The following SPIN1 variants were observed in gnomAD, a reference collection of about 807,000 sequenced individuals.
SPIN1 encodes the protein spindlin-1.
In SPIN1, 3 loss-of-function variants were observed where a neutral mutation model predicts 26.0. That is an observed-to-expected ratio of 0.12 (90% CI 0.05 to 0.30). The LOEUF is 0.30. Among genes scored for constraint, SPIN1 ranks in the 10% least tolerant of loss-of-function variants. SPIN1 has a pLI of 1.00. For missense variants in SPIN1, 126 were observed against 333.4 expected, an observed-to-expected ratio of 0.38 and a Z score of 4.84; for synonymous variants, 101 against 116.5, an observed-to-expected ratio of 0.87 and a Z score of 0.86.
At chr9:88,410,923 G>A (rs1827429579) in intron 1 of SPIN1, 2 of 1,084,140 alleles carry the variant, frequency 1.8e-6, no homozygotes, top group Non-Finnish European at 2.8e-6. Flanking sequence ...GCTTTGACAG[G>A]GCTTTCCTAA....
At chr9:88,425,188 A>G (rs1189358251) in intron 1 of SPIN1, among the ~76,000 whole-genome samples, 1 of 152,050 alleles carries the variant, frequency 6.6e-6, no homozygotes, top group East Asian at 1.9e-4. Context: ...CCCATTAGAT[A>G]GGTCTGAGTG....
chr9:88,454,042 T>A lies in SPIN1; in HGVS notation c.101+5053T>A, dbSNP rs377280952. Among the ~76,000 whole-genome samples, 20 of 152,332 alleles carry A rather than the reference T, an allele frequency of 1.3e-4. No homozygotes were observed. The East Asian group carries it at 2.5e-3, about 19-fold the overall frequency. On this transcript the variant is annotated intron_variant, in intron 3 of 5. Transcript: ENST00000375859. ...ATTTTATTTTTTTTCTGGAATTGTTTCAAGAAATAGCTTCTGGAGTTACGA... is the reference window on the plus strand; with the variant it reads ...ATTTTATTTTTTTTCTGGAATTGTTACAAGAAATAGCTTCTGGAGTTACGA...
intron 1 of SPIN1, among the ~76,000 whole-genome samples, chr9:88,398,040 A>G (rs1200629102): frequency 6.6e-6 from 1 of 151,284 alleles, no homozygotes; most frequent in Admixed American, 6.6e-5. Context: ...TTCCCATCTC[A>G]GCCTCCCGCG....
chr9:88,452,992 AC>A (rs1828393373), intron 3 of SPIN1, among the ~76,000 whole-genome samples: 2 of 152,310 alleles, frequency 1.3e-5, no homozygotes, highest in Non-Finnish European at 2.9e-5. Context: ...TGAAAATTTA[AC>A]ATGTATGATG....
chr9:88,412,147 C>G (rs571294625), intron 1 of SPIN1, among the ~76,000 whole-genome samples: 14 of 152,194 alleles, frequency 9.2e-5, no homozygotes, highest in African/African-American at 3.1e-4. Context: ...CCACTGCACT[C>G]CAGCCTGGGT....
In SPIN1 at chr9:88,468,388, C is replaced by T. The variant is rs1379656765; in HGVS notation, c.372C>T (p.Ser124=). 10 of 1,579,306 alleles carry T rather than the reference C, an allele frequency of 6.3e-6. No homozygotes were observed. The East Asian group carries it at 6.9e-5, about 11-fold the overall frequency. ...LPDRVATSRI[S]DAHLADTMIG... is the part of the protein sequence containing the mutation. ...AATCCCCAGCGACATCTCGAATCAGCGATGCACACTTGGCAGACACAATGA... is the reference window on the plus strand; with the variant it reads ...AATCCCCAGCGACATCTCGAATCAGTGATGCACACTTGGCAGACACAATGA... Residue 124 remains serine (S), a synonymous_variant, in exon 5 of 6, where the codon AGC becomes AGT. Transcript: ENST00000375859.
chr9:88,434,340 AATAGTTTATTTTATAAATTATAAAAT>A (rs1827951870), intron 2 of SPIN1, among the ~76,000 whole-genome samples: 1 of 117,622 alleles, frequency 8.5e-6, no homozygotes, highest in African/African-American at 3.7e-5. Flanking sequence ...CAAATTATAA[AATAGTTTATTTTATAAATTATAAAAT>A]AGTTTATTTT....
At chr9:88,438,471 G>T (rs1320944531) in intron 2 of SPIN1, among the ~76,000 whole-genome samples, 2 of 152,066 alleles carry the variant, frequency 1.3e-5, no homozygotes, top group Non-Finnish European at 2.9e-5. Flanking sequence ...TCATAATGTC[G>T]TCTGTTTTGG....
intron 3 of SPIN1, among the ~76,000 whole-genome samples, chr9:88,451,374 A>C (rs1256745473): frequency 6.6e-6 from 1 of 152,214 alleles, no homozygotes; most frequent in Non-Finnish European, 1.5e-5. Flanking sequence ...TCTGGTGTGA[A>C]GTACTGAGAC....
chr9:88,425,930 T>C (rs1473162771), intron 1 of SPIN1, among the ~76,000 whole-genome samples: 1 of 152,172 alleles, frequency 6.6e-6, no homozygotes, highest in Admixed American at 6.6e-5. Flanking sequence ...GTGCTGTCCT[T>C]CCACTCTGCC....
intron 1 of SPIN1, among the ~76,000 whole-genome samples, chr9:88,408,006 A>T (rs1827345585): frequency 6.6e-6 from 1 of 151,720 alleles, no homozygotes; most frequent in African/African-American, 2.4e-5. Context: ...GGCTCAAGGG[A>T]TCTGCCTGCC....
At chr9:88,442,720 GT>G (rs1828162326) in intron 2 of SPIN1, among the ~76,000 whole-genome samples, 1 of 151,876 alleles carries the variant, frequency 6.6e-6, no homozygotes, top group African/African-American at 2.4e-5. Flanking sequence ...ATTTTCTACA[GT>G]TTGAATATGA....
At chr9:88,393,098 T>C (rs1826966080) in intron 1 of SPIN1, among the ~76,000 whole-genome samples, 1 of 151,288 alleles carries the variant, frequency 6.6e-6, no homozygotes, top group African/African-American at 2.4e-5. Context: ...GGTATTGGTC[T>C]GAACTCAGAA....
At chr9:88,427,838 A>ATCC (rs1156421490) in intron 2 of SPIN1, among the ~76,000 whole-genome samples, 1 of 151,978 alleles carries the variant, frequency 6.6e-6, no homozygotes, top group Non-Finnish European at 1.5e-5. Context: ...ACCTCAAGTG[A>ATCC]TCCTCCCGCG....
At chr9:88,451,850 C>T (rs900307464) in intron 3 of SPIN1, among the ~76,000 whole-genome samples, 6 of 152,160 alleles carry the variant, frequency 3.9e-5, no homozygotes, top group Non-Finnish European at 5.9e-5. Flanking sequence ...CGTGAGCCAC[C>T]GTGCCCAGCC....
intron 5 of SPIN1, among the ~76,000 whole-genome samples, chr9:88,468,983 C>CA (rs1197073918): frequency 3.3e-5 from 5 of 152,192 alleles, no homozygotes; most frequent in African/African-American, 1.2e-4. Flanking sequence ...TTAGTCCCCC[C>CA]AGTGCAATTA....
At chr9:88,435,489 T>A (rs1440987118) in intron 2 of SPIN1, among the ~76,000 whole-genome samples, 1 of 152,138 alleles carries the variant, frequency 6.6e-6, no homozygotes, top group Non-Finnish European at 1.5e-5. Flanking sequence ...AGCAATAAAA[T>A]ATGTAAAGAG....
At chr9:88,413,834 G>A (rs552854237) in intron 1 of SPIN1, among the ~76,000 whole-genome samples, 1 of 152,214 alleles carries the variant, frequency 6.6e-6, no homozygotes, top group East Asian at 1.9e-4. Context: ...GATACAGTTC[G>A]ACTTAGATCA....
Position 88,476,552 on chromosome 9 carries a change from TG to T in SPIN1, c.*1279del, listed in dbSNP as rs1246856713. ...GGATTCATTCCATTCAGTGGCCCCT[TG>T]GGGTTTGCATGCCAGTGAAGCGTTA... On this transcript the variant is annotated 3_prime_UTR_variant, in exon 6 of 6. Transcript: ENST00000375859. 6.6e-6 allele frequency: 1 copy of T among 152,174 alleles called. No individual in the cohort carries two copies. The highest frequency in any genetic ancestry group is 1.5e-5 in the Non-Finnish European group (1 of 68,042). 9.4% of individuals were successfully genotyped at this position (152,174 alleles called of 1,614,324 possible).
Sources: gnomAD v4.1 joint callset for allele counts (sites outside exome capture counted in the v4.1 genomes callset) on GRCh38, gnomAD v4.1.1 for gene constraint, MANE v1.5 for transcripts, NCBI Gene and HGNC (gene_info 2026-07-23, HGNC 2026-07-21) for gene names.